Variants in BNC2 observed in about 807,000 individuals in gnomAD.
BNC2 encodes the protein basonuclin zinc finger protein 2.
A neutral mutation model predicts 76.3 loss-of-function variants in BNC2; 20 were observed. The ratio of observed to expected loss-of-function variants is 0.26; its 90% CI spans 0.18 to 0.38. The LOEUF is 0.38. BNC2 is among the 10% of genes least tolerant of loss of function. The pLI is 1.00. For missense variants in BNC2, 1,382 were observed against 1,399.8 expected (o/e 0.99, Z 0.20); for synonymous variants, 582 against 514.8 (o/e 1.13, Z -1.77).
chr9:16,732,409 A>G (rs1587361604), intron 2 of BNC2, among the ~76,000 whole-genome samples: 1 of 152,198 alleles, frequency 6.6e-6, no homozygotes, highest in Admixed American at 6.5e-5. Flanking sequence ...TTCTATGTAA[A>G]TATATATGAT....
chr9:16,847,094 C>A (rs1029886898), intron 1 of BNC2, among the ~76,000 whole-genome samples: 1 of 152,114 alleles, frequency 6.6e-6, no homozygotes, highest in Non-Finnish European at 1.5e-5. Context: ...AGCAGGTCCT[C>A]AAGATAAAAC....
intron 4 of BNC2, among the ~76,000 whole-genome samples, chr9:16,573,718 G>T (rs1272101930): frequency 1.3e-5 from 2 of 152,120 alleles, no homozygotes; most frequent in African/African-American, 4.8e-5. Flanking sequence ...TCACTACTGG[G>T]CCTTTTAACA....
At chr9:16,665,450 GA>G (rs778470322) in intron 3 of BNC2, among the ~76,000 whole-genome samples, 1 of 105,582 alleles carries the variant, frequency 9.5e-6, no homozygotes, top group Non-Finnish European at 1.8e-5. Flanking sequence ...AAGAAAGAAA[GA>G]AAGAAAGAAA....
chr9:16,714,756 T>C (rs965715720), intron 3 of BNC2, among the ~76,000 whole-genome samples: 1 of 152,166 alleles, frequency 6.6e-6, no homozygotes, highest in Admixed American at 6.6e-5. Context: ...TCTTGTTTCC[T>C]TTTCCCACGA....
intron 1 of BNC2, among the ~76,000 whole-genome samples, chr9:16,759,063 G>C (rs1825475791): frequency 6.6e-6 from 1 of 152,046 alleles, no homozygotes; most frequent in Non-Finnish European, 1.5e-5. Flanking sequence ...ATTTAAAGTA[G>C]GTTATAACAC....
chr9:16,675,772 A>AT (rs1276594351), intron 3 of BNC2, among the ~76,000 whole-genome samples: 1 of 152,208 alleles, frequency 6.6e-6, no homozygotes, highest in Non-Finnish European at 1.5e-5. Flanking sequence ...TAACTTAAGT[A>AT]ATTTCCAGCT....
chr9:16,705,766 TTATC>T, intron 3 of BNC2, among the ~76,000 whole-genome samples: 1 of 152,208 alleles, frequency 6.6e-6, no homozygotes, highest in Non-Finnish European at 1.5e-5. Flanking sequence ...TGGGGACTAC[TTATC>T]AAAGGTGCCA....
At chr9:16,814,483 A>C (rs1818133016) in intron 1 of BNC2, among the ~76,000 whole-genome samples, 1 of 152,136 alleles carries the variant, frequency 6.6e-6, no homozygotes, top group East Asian at 1.9e-4. Flanking sequence ...ATAAACCACT[A>C]TTTGCTAATA....
chr9:16,541,125 C>T (rs1383566391), intron 5 of BNC2, among the ~76,000 whole-genome samples: 2 of 152,230 alleles, frequency 1.3e-5, no homozygotes, highest in African/African-American at 2.4e-5. Context: ...GTACTGCTCT[C>T]AGTTAATCTC....
intron 5 of BNC2, among the ~76,000 whole-genome samples, chr9:16,454,237 T>C (rs2382804): frequency 1 from 151,687 of 152,276 alleles, 75,550 homozygotes; most frequent in East Asian, 1. Context: ...GTCTGTAAAA[T>C]ACACATCTTT....
chr9:16,695,055 T>C (rs1400808319), intron 3 of BNC2, among the ~76,000 whole-genome samples: 1 of 152,228 alleles, frequency 6.6e-6, no homozygotes, highest in Non-Finnish European at 1.5e-5. Flanking sequence ...TATATTTTCC[T>C]TGGGAATCTT....
At chr9:16,667,357 T>A (rs965680195) in intron 3 of BNC2, among the ~76,000 whole-genome samples, 5 of 152,198 alleles carry the variant, frequency 3.3e-5, no homozygotes, top group African/African-American at 4.8e-5. Flanking sequence ...AAGCTCTTGT[T>A]AGTTCCATGA....
At chr9:16,865,182 C>A (rs1819514471) in intron 1 of BNC2, among the ~76,000 whole-genome samples, 2 of 151,502 alleles carry the variant, frequency 1.3e-5, no homozygotes, top group Admixed American at 1.3e-4. Flanking sequence ...AACTCATGAA[C>A]CACAAGTTCC....
intron 3 of BNC2, among the ~76,000 whole-genome samples, chr9:16,668,926 G>T (rs548789346): frequency 6.6e-6 from 1 of 152,282 alleles, no homozygotes; most frequent in African/African-American, 2.4e-5. Context: ...CAAAGGAGAT[G>T]ACAATGGATC....
At chr9:16,700,065 GTA>G (rs1008925084) in intron 3 of BNC2, among the ~76,000 whole-genome samples, 10 of 152,132 alleles carry the variant, frequency 6.6e-5, no homozygotes, top group African/African-American at 2.4e-4. Context: ...TGTATGATAT[GTA>G]TATGTCTTTA....
chr9:16,802,231 G>C (rs1217913120), intron 1 of BNC2, among the ~76,000 whole-genome samples: 3 of 152,206 alleles, frequency 2.0e-5, no homozygotes, highest in Non-Finnish European at 4.4e-5. Flanking sequence ...ATGAAGAAGA[G>C]AGATAGTAAT....
At position 16,508,626 on chromosome 9, in the gene BNC2, C is replaced by T. The variant is rs79962933; in HGVS notation, c.669+43904G>A. ...ATGAAATTTTCATCCTATTGTTCCA[C>T]GCAGGTCAAAATTCTTATTGGTTCT... On this transcript the variant is annotated intron_variant, in intron 5 of 6. Transcript: ENST00000380672. 6.6e-4 allele frequency among the ~76,000 whole-genome samples: 100 copies of T among 152,246 alleles called. 4 individuals are homozygous for T. The East Asian group carries it at 0.018, about 27-fold the overall frequency.
At chr9:16,696,476 A>C (rs528276607) in intron 3 of BNC2, among the ~76,000 whole-genome samples, 39 of 152,146 alleles carry the variant, frequency 2.6e-4, no homozygotes, top group Non-Finnish European at 5.3e-4. Flanking sequence ...TCTTCCATGA[A>C]ATTTCCTGAT....
intron 2 of BNC2, among the ~76,000 whole-genome samples, chr9:16,733,492 C>T (rs1328111428): frequency 6.6e-6 from 1 of 152,010 alleles, no homozygotes; most frequent in East Asian, 1.9e-4. Flanking sequence ...TGCCTGTTTT[C>T]CCTGGACTCA....
Sources: allele counts gnomAD v4.1 joint callset (sites outside exome capture counted in the v4.1 genomes callset), GRCh38; gene constraint gnomAD v4.1.1; transcripts MANE v1.5; gene names NCBI Gene and HGNC (gene_info 2026-07-23, HGNC 2026-07-21).